Variants in RANBP17 observed in about 807,000 individuals in gnomAD.
RANBP17 encodes the protein RAN binding protein 17, also known as ran-binding protein 17.
In RANBP17, 158 loss-of-function variants were observed where a neutral mutation model predicts 141.2. The observed-to-expected ratio is 1.12, with a 90% CI of 0.98 to 1.28. The LOEUF (loss-of-function observed/expected upper bound fraction) is 1.28. Ranked by LOEUF, RANBP17 falls within the 50% of genes most tolerant of loss-of-function variation. The pLI is 0.00. For missense variants in RANBP17, 1,438 were observed against 1,290.7 expected, an observed-to-expected ratio of 1.11 and a Z score of -1.75; for synonymous variants, 430 against 450.0, an observed-to-expected ratio of 0.96 and a Z score of 0.56.
intron 14 of RANBP17, among the ~76,000 whole-genome samples, chr5:171,106,848 C>T (rs2127752434): frequency 6.6e-6 from 1 of 152,042 alleles, no homozygotes; most frequent in South Asian, 2.1e-4. Flanking sequence ...TAATCACTGA[C>T]ACTTGGTAAT....
intron 14 of RANBP17, among the ~76,000 whole-genome samples, chr5:171,144,078 G>A (rs930145635): frequency 3.9e-5 from 6 of 152,144 alleles, no homozygotes; most frequent in Admixed American, 2.0e-4. Context: ...GAAATAGGCT[G>A]CCGTCTGGGC....
intron 5 of RANBP17, among the ~76,000 whole-genome samples, chr5:170,907,918 AG>A (rs1315033880): frequency 2.0e-5 from 3 of 152,004 alleles, no homozygotes; most frequent in Admixed American, 6.6e-5. Flanking sequence ...AAAAACATGA[AG>A]AAATGTTCCA....
At chr5:171,008,709 AAATCAC>A (rs1418152175) in intron 14 of RANBP17, among the ~76,000 whole-genome samples, 1 of 152,186 alleles carries the variant, frequency 6.6e-6, no homozygotes, top group Non-Finnish European at 1.5e-5. Flanking sequence ...GGGCAAAAAC[AAATCAC>A]AAGGGTGGAA....
At chr5:170,970,930 T>C (rs1008050167) in intron 14 of RANBP17, among the ~76,000 whole-genome samples, 1 of 152,288 alleles carries the variant, frequency 6.6e-6, no homozygotes, top group East Asian at 1.9e-4. Context: ...TGTTTATTGT[T>C]ATCTGAAAGA....
intron 25 of RANBP17, among the ~76,000 whole-genome samples, chr5:171,267,030 T>TC (rs66702719): frequency 0.013 from 564 of 43,272 alleles, 6 homozygotes; most frequent in Non-Finnish European, 0.033. Flanking sequence ...TCTTTTCTTT[T>TC]TTTTTTTTTT....
At chr5:171,175,695 G>C (rs1236740008) in intron 16 of RANBP17, among the ~76,000 whole-genome samples, 1 of 151,916 alleles carries the variant, frequency 6.6e-6, no homozygotes, top group African/African-American at 2.4e-5. Flanking sequence ...ATCATCACTG[G>C]TCATTAGAGA....
At chr5:171,103,568 A>T (rs1468303958) in intron 14 of RANBP17, among the ~76,000 whole-genome samples, 1 of 151,864 alleles carries the variant, frequency 6.6e-6, no homozygotes, top group East Asian at 1.9e-4. Context: ...AAGCTACACT[A>T]CTTGGCTCTC....
At chr5:171,067,544 C>T (rs1784383707) in intron 14 of RANBP17, among the ~76,000 whole-genome samples, 1 of 152,190 alleles carries the variant, frequency 6.6e-6, no homozygotes, top group African/African-American at 2.4e-5. Flanking sequence ...CTTCCTTCAG[C>T]ATTTCTTAAT....
chr5:171,043,254 T>C (rs1489305399), intron 14 of RANBP17, among the ~76,000 whole-genome samples: 2 of 152,198 alleles, frequency 1.3e-5, no homozygotes, highest in African/African-American at 4.8e-5. Flanking sequence ...TCCAGGAACA[T>C]ACATAGGATA....
Position 171,123,272 on chromosome 5 carries a change from G to T in RANBP17, c.1711-46858G>T, listed in dbSNP as rs141188276. Among the ~76,000 whole-genome samples, 70 of 152,228 alleles carry T rather than the reference G, an allele frequency of 4.6e-4. 1 individual carries two copies. Among genetic ancestry groups the T allele is most frequent in the Non-Finnish European group, 7.6e-4 (52 of 68,012 alleles). On this transcript the variant is annotated intron_variant, in intron 14 of 27. Transcript: ENST00000523189. ...CTGGTACCCACACATGTCATCCAGG[G>T]ACCCAAGGACGTACCTGCCCTGCTC...
intron 12 of RANBP17, among the ~76,000 whole-genome samples, chr5:170,944,208 A>T (rs1028700486): frequency 3.9e-5 from 6 of 152,196 alleles, no homozygotes; most frequent in Non-Finnish European, 5.9e-5. Flanking sequence ...AAATAGTTTA[A>T]CGTTTATGAG....
chr5:170,907,837 T>C (rs1054685026), intron 5 of RANBP17, among the ~76,000 whole-genome samples: 9 of 151,902 alleles, frequency 5.9e-5, no homozygotes, highest in African/African-American at 2.2e-4. Context: ...TTGATTTAAA[T>C]TAATCAAGAG....
intron 14 of RANBP17, among the ~76,000 whole-genome samples, chr5:170,995,876 A>G (rs1191260042): frequency 1.3e-5 from 2 of 152,170 alleles, no homozygotes; most frequent in African/African-American, 4.8e-5. Context: ...TTTAAATGTT[A>G]ATGCTGTTCA....
chr5:171,273,144 T>C (rs2964525), intron 25 of RANBP17, among the ~76,000 whole-genome samples: 127,922 of 152,230 alleles, frequency 0.84, 53,759 homozygotes, highest in Middle Eastern at 0.95. Context: ...GGAAGCACCA[T>C]GTGCTTTGCA....
At chr5:170,862,658 G>A (rs188735317) in intron 1 of RANBP17, among the ~76,000 whole-genome samples, 341 of 152,202 alleles carry the variant, frequency 2.2e-3, no homozygotes, top group African/African-American at 7.5e-3. Context: ...AGGAAACCCG[G>A]GCCGGGCGCG....
chr5:171,266,979 A>T (rs1281582775), intron 25 of RANBP17, among the ~76,000 whole-genome samples: 2 of 151,910 alleles, frequency 1.3e-5, no homozygotes, highest in African/African-American at 4.8e-5. Context: ...TATTTCAAAA[A>T]GAACAATACC....
rs1400317357 is a variant in RANBP17, at chr5:171,281,453, ATC to A, written c.2944-12424_2944-12423del. 2.0e-5 allele frequency among the ~76,000 whole-genome samples: 3 copies of A among 152,332 alleles called. No homozygotes were observed. The East Asian group carries it at 5.8e-4, about 29-fold the overall frequency. ...CAATTAGAGATAAGTGCATTTAGGG[ATC>A]TCTCTGAACCCCTTAAGACTGGAAG... On this transcript the variant is annotated intron_variant, in intron 25 of 27. Transcript: ENST00000523189.
rs762185832 is a variant in RANBP17 at position 170,911,120 on chromosome 5, C to A, written c.746C>A (p.Thr249Lys). Residue 249 changes from threonine to lysine, a missense_variant, in exon 7 of 28, where the codon ACA becomes AAA. Thr to Lys is a moderately conservative substitution (Grantham distance 78, BLOSUM62 -1). Coordinates refer to ENST00000523189, the MANE Select transcript of RANBP17 (RefSeq NM_022897.5). ...ADDLCTVQIP[T>K]TWRTIFLEPE... is the part of the protein sequence containing the mutation. ...GATCTTTGCACGGTGCAGATTCCAA[C>A]AACTTGGAGAACAAGTAAGAAAAAA... 8 of 1,611,028 alleles carry A rather than the reference C, an allele frequency of 5.0e-6. No individual in the cohort carries two copies. The South Asian group carries it at 8.8e-5, about 18-fold the overall frequency.
intron 14 of RANBP17, among the ~76,000 whole-genome samples, chr5:171,169,126 T>C (rs1018728583): frequency 1.3e-5 from 2 of 152,116 alleles, no homozygotes; most frequent in Non-Finnish European, 2.9e-5. Flanking sequence ...GTGATTTGTG[T>C]TGCCCCTGTG....
Sources: gnomAD v4.1 joint callset for allele counts (sites outside exome capture counted in the v4.1 genomes callset) on GRCh38, gnomAD v4.1.1 for gene constraint, MANE v1.5 for transcripts, NCBI Gene and HGNC (gene_info 2026-07-23, HGNC 2026-07-21) for gene names.